Variants in LINGO2 observed in about 807,000 individuals in gnomAD.
LINGO2 encodes the protein leucine rich repeat and Ig domain containing 2, also known as leucine-rich repeat and immunoglobulin-like domain-containing nogo receptor-interacting protein 2.
In LINGO2, 14 loss-of-function variants were observed where a neutral mutation model predicts 30.6. The observed-to-expected ratio is 0.46, with a 90% CI of 0.30 to 0.72. The LOEUF (loss-of-function observed/expected upper bound fraction) is 0.72, where lower values mean the gene tolerates loss of function less well. LINGO2 is among the 30% of genes least tolerant of loss of function. The pLI is 0.07. For missense variants in LINGO2, 729 were observed against 751.7 expected (o/e 0.97, Z 0.35); for synonymous variants, 317 against 288.5 (o/e 1.10, Z -1.00).
rs1438164384 is a variant in LINGO2, at chr9:28,129,648, G to A, written c.-86-117243C>T. On this transcript the variant is annotated intron_variant, in intron 4 of 5. Transcript: ENST00000379992. The surrounding 1 kb of genome is among the most constrained non-coding windows in gnomAD (Gnocchi z 4.0). ...ATCACCTGAACTAAGGCAGTAAGTG[G>A]GGGAGAAAATCTTTGAAAAATCCAA... 1 of 152,122 alleles carries A rather than the reference G, an allele frequency of 6.6e-6. No homozygotes were observed. The highest frequency in any genetic ancestry group is 2.4e-5 in the African/African-American group (1 of 41,444). The allele number at this position is 152,122 out of a possible 1,614,324, so 9.4% of individuals were successfully genotyped here. A position where few individuals can be genotyped will look rare whatever the true frequency, so the allele number is the denominator to read the frequency against.
the LINGO2 span, among the ~76,000 whole-genome samples, chr9:29,148,207 T>A: frequency 6.6e-6 from 1 of 152,134 alleles, no homozygotes; most frequent in Non-Finnish European, 1.5e-5. Flanking sequence ...AAATGTGTCT[T>A]TTTAAAAATA....
In LINGO2 at chr9:28,500,770, C is replaced by A. The variant is rs143041955; in HGVS notation, c.-364-24745G>T. 2.7e-3 allele frequency among the ~76,000 whole-genome samples: 413 copies of A among 151,752 alleles called. 2 individuals are homozygous for A. The highest frequency in any genetic ancestry group is 9.1e-3 in the African/African-American group (377 of 41,390). On this transcript the variant is annotated intron_variant, in intron 1 of 5. Coordinates refer to ENST00000379992, the Ensembl canonical transcript of LINGO2. ...CCCAAATGAGAAAAATAAGATGGCT[C>A]CAAATAGAGAGGTGATCTCTGAGTA...
chr9:28,005,185 G>T (rs1024678313), intron 5 of LINGO2, among the ~76,000 whole-genome samples: 2 of 152,126 alleles, frequency 1.3e-5, no homozygotes, highest in African/African-American at 4.8e-5. Flanking sequence ...GATGTGACTG[G>T]CTGAGGTCAT....
the LINGO2 span, among the ~76,000 whole-genome samples, chr9:28,729,430 C>A: frequency 6.6e-6 from 1 of 151,872 alleles, no homozygotes; most frequent in Admixed American, 6.6e-5. Context: ...GGAAAAAAAT[C>A]TCAGGGGAAC....
intron 2 of LINGO2, among the ~76,000 whole-genome samples, chr9:28,377,813 C>T (rs1821188858): frequency 6.6e-6 from 1 of 152,146 alleles, no homozygotes; most frequent in East Asian, 1.9e-4. Flanking sequence ...ACATTTTCTG[C>T]AATAAATGTA....
rs905627258 is a variant in LINGO2, at chr9:28,148,167, G to A, written c.-86-135762C>T. ...TTCCCACTCCTCTTCAACCCTCAGC[G>A]ACATCTTGGGCCTTCTTTTCCAGTC... On this transcript the variant is annotated intron_variant, in intron 4 of 5. Coordinates refer to ENST00000379992, the Ensembl canonical transcript of LINGO2. This position sits in a 1 kb window ranked among gnomAD's most constrained non-coding sequence, Gnocchi z 5.1. 5.9e-6 allele frequency: 5 copies of A among 845,932 alleles called. No homozygotes were observed. Among genetic ancestry groups the A allele is most frequent in the East Asian group, 4.0e-5 (1 of 24,732 alleles). The allele number at this position is 845,932 out of a possible 1,614,324, so 52.4% of individuals were successfully genotyped here.
At chr9:29,208,364 T>C in the LINGO2 span, among the ~76,000 whole-genome samples, 3 of 152,230 alleles carry the variant, frequency 2.0e-5, no homozygotes, top group South Asian at 4.1e-4. Flanking sequence ...ACAGCACAAA[T>C]GCCCAAATGA....
At chr9:28,528,762 T>G (rs1037154680) in intron 1 of LINGO2, among the ~76,000 whole-genome samples, 11 of 130,588 alleles carry the variant, frequency 8.4e-5, no homozygotes, top group Non-Finnish European at 6.4e-5. Context: ...GCAGCAAAGG[T>G]GTGTGTGTGT....
At chr9:28,747,678 C>T in the LINGO2 span, among the ~76,000 whole-genome samples, 1 of 152,092 alleles carries the variant, frequency 6.6e-6, no homozygotes, top group African/African-American at 2.4e-5. Flanking sequence ...GAGAGCAACA[C>T]CCCTGTTGCA....
At chr9:28,220,367 C>A (rs1820914943) in intron 4 of LINGO2, among the ~76,000 whole-genome samples, 1 of 152,108 alleles carries the variant, frequency 6.6e-6, no homozygotes, top group African/African-American at 2.4e-5. Context: ...TTAAAATCAT[C>A]TTGTTTGTCC....
the LINGO2 span, among the ~76,000 whole-genome samples, chr9:29,031,753 G>A: frequency 6.6e-6 from 1 of 152,112 alleles, no homozygotes; most frequent in African/African-American, 2.4e-5. Flanking sequence ...GTCTAACACA[G>A]CTCTTCCGAT....
chr9:28,395,964 C>G (rs1242005802), intron 2 of LINGO2, among the ~76,000 whole-genome samples: 1 of 152,074 alleles, frequency 6.6e-6, no homozygotes, highest in African/African-American at 2.4e-5. Context: ...AGATTCCTAT[C>G]CATTTGTCTT....
the LINGO2 span, among the ~76,000 whole-genome samples, chr9:28,959,612 T>TCTCACACACACACA: frequency 1.3e-3 from 173 of 132,202 alleles, no homozygotes; most frequent in African/African-American, 4.8e-3. Context: ...TCTCTCTCCC[T>TCTCACACACACACA]CACACACACA....
intron 4 of LINGO2, among the ~76,000 whole-genome samples, chr9:28,090,260 A>G (rs1464587063): frequency 6.6e-6 from 1 of 152,180 alleles, no homozygotes; most frequent in African/African-American, 2.4e-5. Context: ...AACACAACAA[A>G]AAAAGAGAAT....
the LINGO2 span, among the ~76,000 whole-genome samples, chr9:28,849,478 T>C: frequency 6.6e-6 from 1 of 152,188 alleles, no homozygotes; most frequent in Non-Finnish European, 1.5e-5. Context: ...TATTAGAGTT[T>C]ACCAAAGACT....
the LINGO2 span, among the ~76,000 whole-genome samples, chr9:28,865,998 C>G: frequency 1.3e-5 from 2 of 152,204 alleles, no homozygotes. Context: ...ATGTAGCACT[C>G]TATGTTAGTC....
chr9:28,642,997 C>A (rs1027886755), intron 1 of LINGO2, among the ~76,000 whole-genome samples: 1 of 151,808 alleles, frequency 6.6e-6, no homozygotes, highest in South Asian at 2.1e-4. Context: ...TGAAATAGCT[C>A]AATAATGAAA....
At chr9:28,266,267 A>G (rs1464223055) in intron 4 of LINGO2, among the ~76,000 whole-genome samples, 3 of 151,968 alleles carry the variant, frequency 2.0e-5, no homozygotes, top group Non-Finnish European at 4.4e-5. Context: ...TGTCATCCAA[A>G]TGTAGCACAT....
At chr9:28,487,501 C>A (rs903610905) in intron 1 of LINGO2, among the ~76,000 whole-genome samples, 1 of 152,076 alleles carries the variant, frequency 6.6e-6, no homozygotes, top group Admixed American at 6.6e-5. Flanking sequence ...CCTTTGAAAG[C>A]CACATTTATG....
Sources: allele counts gnomAD v4.1 joint callset (sites outside exome capture counted in the v4.1 genomes callset), GRCh38; gene constraint gnomAD v4.1.1; non-coding constraint Gnocchi (gnomAD v3.1); transcripts MANE v1.5; gene names NCBI Gene and HGNC (gene_info 2026-07-23, HGNC 2026-07-21).